The following ELANE variants were observed in gnomAD, a reference collection of about 807,000 sequenced individuals.
ELANE encodes the protein neutrophil elastase.
Under a neutral mutation model 20.6 loss-of-function variants are expected in ELANE, and 12 were observed. That is an observed-to-expected ratio of 0.58 (90% confidence interval 0.37 to 0.94). The LOEUF (loss-of-function observed/expected upper bound fraction) is 0.94, where lower values mean the gene tolerates loss of function less well. ELANE is among the 40% of genes least tolerant of loss of function. The probability of loss-of-function intolerance (pLI) is 0.01; values close to 1 mark genes in which losing one functional copy is unlikely to be tolerated. For missense variants in ELANE, 388 were observed against 395.2 expected, an observed-to-expected ratio of 0.98 and a Z score of 0.15; for synonymous variants, 203 against 177.4, an observed-to-expected ratio of 1.14 and a Z score of -1.15.
chr19:854,868 T>A (rs961513417), intron 3 of ELANE, among the ~76,000 whole-genome samples: 2 of 149,642 alleles, frequency 1.3e-5, no homozygotes, highest in African/African-American at 2.4e-5. Context: ...ATATATATAT[T>A]TTTTGAGACA....
rs1285134340 is a variant in ELANE at position 856,097 on chromosome 19, T to C, written c.737T>C (p.Ile246Thr). 2 of 1,613,070 alleles carry C rather than the reference T, an allele frequency of 1.2e-6. No homozygotes were observed. The highest frequency in any genetic ancestry group is 1.7e-6 in the Non-Finnish European group (2 of 1,179,996). Reference sequence around the variant, plus strand: ...TTTGTAAACTGGATCGACTCTATCATCCAACGCTCCGAGGACAACCCCTGT... The same window carrying C: ...TTTGTAAACTGGATCGACTCTATCACCCAACGCTCCGAGGACAACCCCTGT... ...AQFVNWIDSI[I>T]QRSEDNPCPH... Residue 246 changes from isoleucine to threonine, a missense_variant, in exon 5 of 5, where the codon ATC (isoleucine) becomes ACC (threonine). Transcript: ENST00000263621.
intron 3 of ELANE, among the ~76,000 whole-genome samples, chr19:854,070 G>C (rs1320637035): frequency 6.6e-6 from 1 of 152,232 alleles, no homozygotes; most frequent in East Asian, 1.9e-4. Flanking sequence ...CTGTGGCCCA[G>C]GGCAGGGGCC....
Position 855,412 on chromosome 19 carries a change from G to A in ELANE, c.367-152G>A, listed in dbSNP as rs1640972776. On this transcript the variant is annotated intron_variant, in intron 3 of 4. Coordinates refer to ENST00000263621, the MANE Select transcript of ELANE (RefSeq NM_001972.4). This position sits in a 1 kb window ranked among gnomAD's most constrained non-coding sequence, Gnocchi z 6.2. The stretch of plus-strand genomic sequence containing the variant: ...TCTACAGATGGGGAAACCGAGGCTT[G>A]CCTTGGGGAGCAGAGTGTGGGGTGG... 1.1e-6 allele frequency: 1 copy of A among 880,406 alleles called. No individual in the cohort carries two copies. Among genetic ancestry groups the A allele is most frequent in the African/African-American group, 1.7e-5 (1 of 60,198 alleles). The allele number at this position is 880,406 out of a possible 1,614,324, so 54.5% of individuals were successfully genotyped here.
intron 3 of ELANE, among the ~76,000 whole-genome samples, chr19:854,998 C>G (rs916304375): frequency 2.0e-5 from 3 of 151,636 alleles, no homozygotes; most frequent in Non-Finnish European, 2.9e-5. Context: ...GGACTACAGG[C>G]GCCCGCCACC....
chr19:853,484 C>A, intron 3 of ELANE, 81 bp downstream of exon 3: 2 of 1,493,974 alleles, frequency 1.3e-6, no homozygotes, highest in East Asian at 2.5e-5. Context: ...AGGGGCGCGT[C>A]GGGGCCGCTC....
intron 3 of ELANE, among the ~76,000 whole-genome samples, chr19:854,820 A>G (rs2035651285): frequency 6.8e-6 from 1 of 146,546 alleles, no homozygotes; most frequent in African/African-American, 2.5e-5. Context: ...ATATAAAAAT[A>G]TTTTTATAAA....
At position 856,117 on chromosome 19, in the gene ELANE, C is replaced by G; in HGVS notation, c.757C>G (p.Pro253Ala). 1.2e-6 allele frequency: 2 copies of G among 1,613,116 alleles called. No individual in the cohort carries two copies. The highest frequency in any genetic ancestry group is 1.7e-6 in the Non-Finnish European group (2 of 1,180,030). The change falls in exon 5 of 5, where the codon CCC (proline) becomes GCC (alanine). Residue 253 changes from proline to alanine, a missense_variant. Pro to Ala is a conservative substitution (Grantham distance 27). This residue lies in a region of ELANE where 321 missense variants were observed against 309.8 expected (regional missense o/e 1.04). Transcript: ENST00000263621. ...DSIIQRSEDN[P>A]CPHPRDPDPA... ...TATCATCCAACGCTCCGAGGACAACCCCTGTCCCCACCCCCGGGACCCGGA... is the reference window on the plus strand; with the variant it reads ...TATCATCCAACGCTCCGAGGACAACGCCTGTCCCCACCCCCGGGACCCGGA...
At position 855,614 on chromosome 19, in the gene ELANE, G is replaced by C. The variant is rs199702100; in HGVS notation, c.417G>C (p.Pro139=). The change falls in exon 4 of 5, where the codon CCG becomes CCC. Residue 139 remains proline (P), a synonymous_variant. Transcript: ENST00000263621. The surrounding 1 kb of genome is among the most constrained non-coding windows in gnomAD (Gnocchi z 6.2). ...CCAACGTGCAGGTGGCCCAGCTGCCGGCTCAGGGACGCCGCCTGGGCAACG... is the reference window on the plus strand; with the variant it reads ...CCAACGTGCAGGTGGCCCAGCTGCCCGCTCAGGGACGCCGCCTGGGCAACG... ...INANVQVAQL[P]AQGRRLGNGV... 4.4e-6 allele frequency: 7 copies of C among 1,602,740 alleles called. No homozygotes were observed. The South Asian group carries it at 7.7e-5, about 18-fold the overall frequency.
intron 1 of ELANE, 142 bp downstream of exon 1, chr19:852,537 G>C: frequency 9.0e-7 from 1 of 1,105,202 alleles, no homozygotes; most frequent in African/African-American, 1.6e-5. Flanking sequence ...AAGAGACTGA[G>C]GTTCTGAGCG....
In ELANE at chr19:852,992, C is replaced by T. The variant is rs1426835979; in HGVS notation, c.184C>T (p.Pro62Ser). The part of the protein sequence containing the change: ...GHFCGATLIA[P>S]NFVMSAAHCV... The stretch of plus-strand genomic sequence containing the variant: ...CTTCTGCGGCGCCACCCTGATTGCG[C>T]CCAACTTCGTCATGTCGGCCGCGCA... The change falls in exon 2 of 5, where the codon CCC (proline) becomes TCC (serine). Residue 62 changes from proline (P) to serine (S), a missense_variant. By Grantham distance (74) the Pro-to-Ser change is moderately conservative (BLOSUM62 -1). Around this residue, in one of 3 missense-constraint regions of ELANE, gnomAD observed 321 missense variants for 309.8 expected, o/e 1.04. Transcript: ENST00000263621. 1.3e-6 allele frequency: 2 copies of T among 1,580,174 alleles called. No homozygotes were observed.
chr19:852,741 GT>G (rs1965041380), intron 1 of ELANE, 134 bp from the exon 2 acceptor site: 3 of 1,301,730 alleles, frequency 2.3e-6, no homozygotes, highest in African/African-American at 1.8e-5. Context: ...GATCCCGTGG[GT>G]TCCCGGTGGG....
In ELANE at chr19:855,929, C is replaced by T; in HGVS notation, c.598-29C>T. 7.4e-6 allele frequency: 12 copies of T among 1,612,342 alleles called. No individual in the cohort carries two copies. The highest frequency in any genetic ancestry group is 1.0e-5 in the Non-Finnish European group (12 of 1,179,844). ...GGCAGGTGGGCAGGGCCTCGCAGTC[C>T]AGCTTCCCCACCTTGTCTGCCTCCA... On this transcript the variant is annotated intron_variant, in intron 4 of 4. Coordinates refer to ENST00000263621, the MANE Select transcript of ELANE (RefSeq NM_001972.4). The surrounding 1 kb of genome is among the most constrained non-coding windows in gnomAD (Gnocchi z 6.2).
Position 855,935 on chromosome 19 carries a change from C to T in ELANE, c.598-23C>T, listed in dbSNP as rs753154221. On this transcript the variant is annotated intron_variant, in intron 4 of 4. Transcript: ENST00000263621. The surrounding 1 kb of genome is among the most constrained non-coding windows in gnomAD (Gnocchi z 6.2). Reference sequence around the variant, plus strand: ...TGGGCAGGGCCTCGCAGTCCAGCTTCCCCACCTTGTCTGCCTCCACAGGGG... The same window carrying T: ...TGGGCAGGGCCTCGCAGTCCAGCTTTCCCACCTTGTCTGCCTCCACAGGGG... The T allele has an allele frequency of 2.5e-6, 4 of 1,612,500 alleles. No individual in the cohort carries two copies. The highest frequency in any genetic ancestry group is 2.7e-5 in the African/African-American group (2 of 74,948).
In ELANE at chr19:855,198, C is replaced by G. The variant is rs187934407; in HGVS notation, c.367-366C>G. Among the ~76,000 whole-genome samples the G allele has an allele frequency of 6.6e-6, 1 of 152,158 alleles. No individual in the cohort carries two copies. The highest frequency in any genetic ancestry group is 1.9e-4 in the East Asian group (1 of 5,186). ...TAGACATGGGGCTTTGCCACATTGC[C>G]CAGGCTGGTCTTGAATGCCTGGCCT... On this transcript the variant is annotated intron_variant, in intron 3 of 4. Transcript: ENST00000263621. The surrounding 1 kb of genome is among the most constrained non-coding windows in gnomAD (Gnocchi z 6.2).
Position 855,527 on chromosome 19 carries a change from C to A in ELANE, c.367-37C>A. 1 of 1,588,718 alleles carries A rather than the reference C, an allele frequency of 6.3e-7. No individual in the cohort carries two copies. On this transcript the variant is annotated intron_variant, in intron 3 of 4. Transcript: ENST00000263621. This position sits in a 1 kb window ranked among gnomAD's most constrained non-coding sequence, Gnocchi z 6.2. ...GAGGGGAGGGTCATCATCACTGCCC[C>A]GTGTGACGCGCTGACGATCTGTCCC... is the stretch of plus-strand genomic sequence containing the variant.
Position 856,086 on chromosome 19 carries a change from C to T in ELANE, c.726C>T (p.Ile242=), listed in dbSNP as rs2035677097. ...FAPVAQFVNW[I]DSIIQRSEDN... Reference sequence around the variant, plus strand: ...CGGTGGCACAGTTTGTAAACTGGATCGACTCTATCATCCAACGCTCCGAGG... The same window carrying T: ...CGGTGGCACAGTTTGTAAACTGGATTGACTCTATCATCCAACGCTCCGAGG... The change falls in exon 5 of 5, where the codon ATC becomes ATT. Residue 242 remains isoleucine, a synonymous_variant. Coordinates refer to ENST00000263621, the MANE Select transcript of ELANE (RefSeq NM_001972.4). 1.9e-6 allele frequency: 3 copies of T among 1,613,362 alleles called. No individual in the cohort carries two copies. The highest frequency in any genetic ancestry group is 2.5e-6 in the Non-Finnish European group (3 of 1,180,014).
At position 855,490 on chromosome 19, in the gene ELANE, CTG is replaced by C. The variant is rs2035661777; in HGVS notation, c.367-73_367-72del. The C allele has an allele frequency of 2.7e-6, 4 of 1,496,522 alleles. No individual in the cohort carries two copies. The Admixed American group carries it at 5.6e-5, about 21-fold the overall frequency. The allele number at this position is 1,496,522 out of a possible 1,614,324, so 92.7% of individuals were successfully genotyped here. On this transcript the variant is annotated intron_variant, in intron 3 of 4. Transcript: ENST00000263621. The surrounding 1 kb of genome is among the most constrained non-coding windows in gnomAD (Gnocchi z 6.2). Reference sequence around the variant, plus strand: ...CACAGTGGAACCTGAGATGGGGAAACTGAGGCCCGGAGAGGGGAGGGTCATCA... The same window carrying C: ...CACAGTGGAACCTGAGATGGGGAAACAGGCCCGGAGAGGGGAGGGTCATCA...
chr19:854,807 AATAT>A (rs1474283613), intron 3 of ELANE, among the ~76,000 whole-genome samples: 1 of 146,552 alleles, frequency 6.8e-6, no homozygotes, highest in Non-Finnish European at 1.5e-5. Context: ...ATAAATATAA[AATAT>A]ATAAAAATAT....
Position 852,379 on chromosome 19 carries a change from G to A in ELANE, c.51G>A (p.Pro17=). The change falls in exon 1 of 5, where the codon CCG becomes CCA. Residue 17 remains proline, a synonymous_variant. Transcript: ENST00000263621. ...LACLFLACVL[P]ALLLGGTALA... The stretch of plus-strand genomic sequence containing the variant: ...GTCTTTTCCTCGCCTGTGTCCTGCC[G>A]GCCTTGCTGCTGGGGGGTGAGTTTT... The A allele has an allele frequency of 1.9e-6, 3 of 1,611,498 alleles. No homozygotes were observed. Among genetic ancestry groups the A allele is most frequent in the East Asian group, 2.2e-5 (1 of 44,820 alleles).
Sources: gnomAD v4.1 joint callset for allele counts (sites outside exome capture counted in the v4.1 genomes callset) on GRCh38, gnomAD v4.1.1 for gene constraint, gnomAD v4.1.1 regional missense constraint, Gnocchi (gnomAD v3.1) non-coding constraint, MANE v1.5 for transcripts, NCBI Gene and HGNC (gene_info 2026-07-23, HGNC 2026-07-21) for gene names.